Variants in INTS1 observed in about 807,000 individuals in gnomAD.
INTS1 encodes the protein integrator complex subunit 1.
In INTS1, 137 loss-of-function variants were observed where a neutral mutation model predicts 241.6. The observed-to-expected ratio is 0.57, with a 90% CI of 0.49 to 0.65. The LOEUF is 0.65. Among genes scored for constraint, INTS1 ranks in the 30% least tolerant of loss-of-function variants. The pLI, the probability that INTS1 is intolerant of heterozygous loss-of-function variation, is 0.00. For missense variants in INTS1, 3,073 were observed against 3,032.2 expected (o/e 1.01, Z -0.32); for synonymous variants, 1,692 against 1,337.8 (o/e 1.26, Z -5.78).
At chr7:1,487,482 C>T (rs371090941) in intron 19 of INTS1, 33 bp from the exon 20 acceptor site, 50 of 1,599,018 alleles carry the variant, frequency 3.1e-5, no homozygotes, top group African/African-American at 5.4e-5. Flanking sequence ...TGCGTCAGCA[C>T]GCCCTGAGCG....
Position 1,478,811 on chromosome 7 carries a change from G to A in INTS1, c.4404C>T (p.Asp1468=). The A allele has an allele frequency of 1.2e-6, 2 of 1,608,458 alleles. No homozygotes were observed. Among genetic ancestry groups the A allele is most frequent in the Non-Finnish European group, 1.7e-6 (2 of 1,178,178 alleles). ...GGGGCCCGCCCTCCACGCCAGGGCT[G>A]TCCAGCCACTGCAGCATCTGCAGGA... ...KVLLQMLQWL[D]SPGVEGGPLR... is the part of the protein sequence containing the mutation. The change falls in exon 32 of 48, where the codon GAC becomes GAT. Residue 1468 remains aspartate, a synonymous_variant. Coordinates refer to ENST00000404767, the MANE Select transcript of INTS1 (RefSeq NM_001080453.3).
chr7:1,504,253 G>A, intron 1 of INTS1, 70 bp downstream of exon 1: 1 of 592,238 alleles, frequency 1.7e-6, no homozygotes, highest in Non-Finnish European at 3.1e-6. Context: ...CCCAGAGGCC[G>A]GGAGCGGTAG....
At chr7:1,492,925 G>A (rs56373682) in intron 16 of INTS1, 85 bp downstream of exon 16, 209,968 of 641,740 alleles carry the variant, frequency 0.33, 50,138 homozygotes, top group East Asian at 0.72. Flanking sequence ...GGAGTGGGGA[G>A]CGGGGCGCGG....
At position 1,486,964 on chromosome 7, in the gene INTS1, G is replaced by C. The variant is rs1001323423; in HGVS notation, c.2784C>G (p.Asp928Glu). The C allele has an allele frequency of 8.7e-6, 14 of 1,607,830 alleles. No homozygotes were observed. Among genetic ancestry groups the C allele is most frequent in the Middle Eastern group, 1.7e-4 (1 of 6,060 alleles). Residue 928 changes from aspartate to glutamate, a missense_variant, in exon 21 of 48, where the codon GAC becomes GAG. Coordinates refer to ENST00000404767, the MANE Select transcript of INTS1 (RefSeq NM_001080453.3). ...AVDDAASGEE[D>E]DEGESKEQKA... is the part of the protein sequence containing the mutation. ...TCTGCTCCTTGCTCTCGCCCTCGTC[G>C]TCCTCCTCCCCGGAAGCAGCATCGT...
At chr7:1,485,958 T>C (rs557097502) in intron 22 of INTS1, among the ~76,000 whole-genome samples, 1 of 152,260 alleles carries the variant, frequency 6.6e-6, no homozygotes, top group East Asian at 1.9e-4. Flanking sequence ...CACACCCAGC[T>C]CATTTTTCTC....
At position 1,471,609 on chromosome 7, in the gene INTS1, T is replaced by G. The variant is rs758638183; in HGVS notation, c.6217A>C (p.Met2073Leu). ...LLEVLSDIDE[M>L]SRRRPEILSF... ...AGGATCTCGGGTCTCCGCCGGGACATCTCGTCTATGTCACTCAGAACCTCC... is the reference window on the plus strand; with the variant it reads ...AGGATCTCGGGTCTCCGCCGGGACAGCTCGTCTATGTCACTCAGAACCTCC... Residue 2073 changes from methionine to leucine, a missense_variant, in exon 45 of 48, where the codon ATG becomes CTG. Met to Leu is a conservative substitution (Grantham distance 15). Coordinates refer to ENST00000404767, the MANE Select transcript of INTS1 (RefSeq NM_001080453.3). 6.2e-7 allele frequency: 1 copy of G among 1,612,216 alleles called. No individual in the cohort carries two copies. The highest frequency in any genetic ancestry group is 1.1e-5 in the South Asian group (1 of 91,078).
chr7:1,495,035 A>C, intron 13 of INTS1, 142 bp from the exon 14 acceptor site: 1 of 939,408 alleles, frequency 1.1e-6, no homozygotes, highest in Non-Finnish European at 1.6e-6. Context: ...GCACCTCCTC[A>C]CAGCACCACC....
chr7:1,482,480 G>T, intron 27 of INTS1, 66 bp downstream of exon 27: 1 of 1,485,138 alleles, frequency 6.7e-7, no homozygotes, highest in Non-Finnish European at 9.1e-7. Context: ...AGGCCCACAA[G>T]GAGCAGGCAA....
Position 1,493,151 on chromosome 7 carries a change from C to G in INTS1, c.2069-45G>C, listed in dbSNP as rs532297779. ...ATGGGTTCTGGGGCTGCTCACAGAC[C>G]ATCAGGCACAGGCAGCGAGGGAACC... is the stretch of plus-strand genomic sequence containing the variant. On this transcript the variant is annotated intron_variant, in intron 15 of 47. Coordinates refer to ENST00000404767, the MANE Select transcript of INTS1 (RefSeq NM_001080453.3). The surrounding 1 kb of genome is among the most constrained non-coding windows in gnomAD (Gnocchi z 5.3). 4 of 1,475,752 alleles carry G rather than the reference C, an allele frequency of 2.7e-6. No individual in the cohort carries two copies. Among genetic ancestry groups the G allele is most frequent in the Non-Finnish European group, 3.7e-6 (4 of 1,072,108 alleles). 91.4% of individuals were successfully genotyped at this position (1,475,752 alleles called of 1,614,324 possible). A position where few individuals can be genotyped will look rare whatever the true frequency, so the allele number is the denominator to read the frequency against.
intron 26 of INTS1, 131 bp downstream of exon 26, chr7:1,483,611 G>A (rs1562497831): frequency 2.7e-6 from 2 of 732,378 alleles, no homozygotes; most frequent in African/African-American, 1.7e-5. Flanking sequence ...AGAGAAGCCA[G>A]GACACAGGGT....
chr7:1,491,271 G>A (rs1469389424), intron 16 of INTS1, among the ~76,000 whole-genome samples: 1 of 152,218 alleles, frequency 6.6e-6, no homozygotes, highest in Non-Finnish European at 1.5e-5. Context: ...TGGGTCCACA[G>A]GACGGAAGTG....
rs755920051 is a variant in INTS1, at chr7:1,499,301, C to T, written c.904G>A (p.Ala302Thr). The T allele has an allele frequency of 8.1e-6, 13 of 1,607,680 alleles. No homozygotes were observed. The East Asian group carries it at 1.6e-4, about 19-fold the overall frequency. The change falls in exon 7 of 48, where the codon GCG becomes ACG. Residue 302 changes from alanine to threonine, a missense_variant. By Grantham distance (58) the Ala-to-Thr change is moderately conservative. Transcript: ENST00000404767. The stretch of plus-strand genomic sequence containing the variant: ...TGCTCGGGGCTCAGCTTCTCCTCCG[C>T]GATCAGCAACTCCGTCTGGCTGTCC... ...EEDSQTELLI[A>T]EEKLSPEQEG...
At position 1,481,357 on chromosome 7, in the gene INTS1, T is replaced by G; in HGVS notation, c.3835A>C (p.Asn1279His). ...VAHDPQTLEQNIMDKNYMAHL... is the reference protein window; with the variant it reads ...VAHDPQTLEQHIMDKNYMAHL... ...GGCATCTTACTCTTGTCCATGATGT[T>G]CTGCTCCAGAGTCTGGGGGTCGTGG... Residue 1279 changes from asparagine (N) to histidine (H), a missense_variant, in exon 28 of 48, where the codon AAC (asparagine) becomes CAC (histidine). Coordinates refer to ENST00000404767, the MANE Select transcript of INTS1 (RefSeq NM_001080453.3). The surrounding 1 kb of genome is among the most constrained non-coding windows in gnomAD (Gnocchi z 6.8). 1.2e-6 allele frequency: 2 copies of G among 1,612,960 alleles called. No homozygotes were observed. The highest frequency in any genetic ancestry group is 1.7e-6 in the Non-Finnish European group (2 of 1,179,764).
In INTS1 at chr7:1,503,042, C is replaced by T; in HGVS notation, c.208G>A (p.Ala70Thr). ...DAAAALSSAS[A>T]LTGLTKRPKL... The stretch of plus-strand genomic sequence containing the variant: ...GGGCGTTTGGTGAGACCGGTGAGGG[C>T]CGAGGCACTGGACAACGCGGCCGCC... Residue 70 changes from alanine (A) to threonine (T), a missense_variant, in exon 3 of 48, where the codon GCC becomes ACC. By Grantham distance (58) the Ala-to-Thr change is moderately conservative (BLOSUM62 0). Transcript: ENST00000404767. 1 of 1,613,634 alleles carries T rather than the reference C, an allele frequency of 6.2e-7. No individual in the cohort carries two copies. The highest frequency in any genetic ancestry group is 1.3e-5 in the African/African-American group (1 of 75,028).
intron 3 of INTS1, among the ~76,000 whole-genome samples, chr7:1,501,648 C>T (rs986333444): frequency 4.6e-5 from 7 of 152,196 alleles, no homozygotes; most frequent in Non-Finnish European, 8.8e-5. Context: ...GCCGAGAGCC[C>T]GGGCCAGGAT....
intron 26 of INTS1, 161 bp downstream of exon 26, chr7:1,483,581 A>G (rs1390834957): frequency 1.5e-6 from 1 of 677,638 alleles, no homozygotes; most frequent in South Asian, 1.6e-5. Flanking sequence ...CGCGGGACGG[A>G]CTGCAGCCTC....
chr7:1,473,714 C>G, intron 41 of INTS1, 21 bp from the exon 42 acceptor site: 1 of 1,612,244 alleles, frequency 6.2e-7, no homozygotes, highest in African/African-American at 1.3e-5. Flanking sequence ...AAAGCGGCAC[C>G]CTCGAGCTGC....
At position 1,502,894 on chromosome 7, in the gene INTS1, T is replaced by G. The variant is rs761173670; in HGVS notation, c.349+7A>C. The stretch of plus-strand genomic sequence containing the variant: ...GTGTTCTCGGGGGATGTCCACAGAC[T>G]CATTACCTTCAATTGGCACCACAGA... On this transcript the variant is annotated splice_region_variant and intron_variant, in intron 3 of 47. Transcript: ENST00000404767. 1.2e-6 allele frequency: 2 copies of G among 1,613,582 alleles called. No individual in the cohort carries two copies. The highest frequency in any genetic ancestry group is 1.7e-6 in the Non-Finnish European group (2 of 1,179,780).
chr7:1,500,468 CG>C (rs1211220837), intron 3 of INTS1, 102 bp from the exon 4 acceptor site: 4 of 1,294,010 alleles, frequency 3.1e-6, no homozygotes, highest in Non-Finnish European at 4.1e-6. Context: ...CTCTCAGGGT[CG>C]GCCCTGCCAG....
Sources: allele counts gnomAD v4.1 joint callset (sites outside exome capture counted in the v4.1 genomes callset), GRCh38; gene constraint gnomAD v4.1.1; non-coding constraint Gnocchi (gnomAD v3.1); transcripts MANE v1.5; gene names NCBI Gene and HGNC (gene_info 2026-07-23, HGNC 2026-07-21).